Variants in CFAP46 observed in about 807,000 individuals in gnomAD.
The protein encoded by CFAP46 is cilia- and flagella-associated protein 46.
A neutral mutation model predicts 325.7 loss-of-function variants in CFAP46; 245 were observed. The observed-to-expected ratio is 0.75, with a 90% CI of 0.68 to 0.84. CFAP46 has a LOEUF of 0.84. Ranked by LOEUF, CFAP46 falls within the 40% of genes least tolerant of loss-of-function variation. The pLI, the probability that CFAP46 is intolerant of heterozygous loss-of-function variation, is 0.00. For synonymous variants in CFAP46, 1,523 were observed against 1,495.9 expected (o/e 1.02, Z -0.42); for missense variants, 3,346 against 3,543.0 (o/e 0.94, Z 1.41).
intron 24 of CFAP46, among the ~76,000 whole-genome samples, chr10:132,895,824 G>A (rs1321422390): frequency 5.9e-5 from 9 of 152,334 alleles, no homozygotes; most frequent in East Asian, 1.9e-4. Context: ...ATAAGGTCAC[G>A]AGAGTGGGGT....
intron 10 of CFAP46, among the ~76,000 whole-genome samples, chr10:132,925,447 T>C (rs1849795845): frequency 6.6e-6 from 1 of 152,234 alleles, no homozygotes; most frequent in Non-Finnish European, 1.5e-5. Context: ...TCCTGCCACT[T>C]GGCTGCTGGG....
chr10:132,898,773 G>C (rs1234035950), intron 24 of CFAP46, 186 bp downstream of exon 24: 1 of 770,838 alleles, frequency 1.3e-6, no homozygotes, highest in South Asian at 1.5e-5. Context: ...ACCGAGTCCA[G>C]CAGGGGCCCC....
chr10:132,897,005 A>G (rs1849329198), intron 24 of CFAP46, among the ~76,000 whole-genome samples: 2 of 152,258 alleles, frequency 1.3e-5, no homozygotes, highest in African/African-American at 4.8e-5. Context: ...AAGACCATTC[A>G]CTAGGGAAAG....
chr10:132,913,357 GCAAGAAGTGGGA>G, intron 17 of CFAP46, 99 bp from the exon 18 acceptor site: 3 of 413,616 alleles, frequency 7.3e-6, no homozygotes, highest in East Asian at 6.7e-5. Flanking sequence ...AGGCTGCAGG[GCAAGAAGTGGGA>G]GGGGCGGGTG....
Position 132,889,790 on chromosome 10 carries a change from G to A in CFAP46, c.3304+2543C>T, listed in dbSNP as rs74161924. 7.1e-3 allele frequency among the ~76,000 whole-genome samples: 1,074 copies of A among 152,314 alleles called. 15 individuals are homozygous for A. The highest frequency in any genetic ancestry group is 0.025 in the African/African-American group (1,028 of 41,556). ...GGTGAGGGCCGTGGACTGTGCATGA[G>A]GAGGAATGTGCCTGTGCTGAGCTCT... is the stretch of plus-strand genomic sequence containing the variant. On this transcript the variant is annotated intron_variant, in intron 25 of 57. Coordinates refer to ENST00000368586, the MANE Select transcript of CFAP46 (RefSeq NM_001200049.3). This position sits in a 1 kb window ranked among gnomAD's most constrained non-coding sequence, Gnocchi z 6.0.
In CFAP46 at chr10:132,916,622, C is replaced by T. The variant is rs1054303737; in HGVS notation, c.2047G>A (p.Glu683Lys). The T allele has an allele frequency of 6.0e-5, 93 of 1,539,816 alleles. No individual in the cohort carries two copies. Among genetic ancestry groups the T allele is most frequent in the South Asian group, 1.7e-4 (14 of 82,830 alleles). ...VELNDRAIPP[E>K]DLSQHPAGYV... is the part of the protein sequence containing the mutation. ...CCAGCTGGGTGCTGGCTCAGGTCTT[C>T]GGGGGGGATGGCCCGGTCATTCAGC... The change falls in exon 17 of 58, where the codon GAA becomes AAA. Residue 683 changes from glutamate (E) to lysine (K), a missense_variant. Transcript: ENST00000368586.
intron 50 of CFAP46, among the ~76,000 whole-genome samples, chr10:132,831,218 T>TTGTGTGTGTGTGTG (rs1318591175): frequency 9.1e-5 from 5 of 54,804 alleles, no homozygotes; most frequent in African/African-American, 6.7e-4. Flanking sequence ...TTGTCAAATG[T>TTGTGTGTGTGTGTG]TCTGTGTGTG....
intron 22 of CFAP46, among the ~76,000 whole-genome samples, chr10:132,904,518 G>T (rs1187032728): frequency 6.6e-6 from 1 of 152,210 alleles, no homozygotes; most frequent in Non-Finnish European, 1.5e-5. Flanking sequence ...CCTTTTCCCT[G>T]TCACCATATG....
intron 44 of CFAP46, among the ~76,000 whole-genome samples, chr10:132,837,519 GCA>G (rs1270524618): frequency 3.0e-5 from 4 of 132,206 alleles, no homozygotes; most frequent in African/African-American, 1.2e-4. Context: ...ACACAGACAT[GCA>G]CAGACACACG....
rs769781435 is a variant in CFAP46 at position 132,834,733 on chromosome 10, G to A, written c.6787C>T (p.Gln2263Ter). The A allele has an allele frequency of 6.2e-7, 1 of 1,613,058 alleles. No individual in the cohort carries two copies. The highest frequency in any genetic ancestry group is 1.7e-5 in the Admixed American group (1 of 59,966). The change falls in exon 48 of 58, where the codon CAG (glutamine) becomes TAG (stop). Residue 2263 changes from glutamine to a stop codon, truncating the protein, a stop_gained. Coordinates refer to ENST00000368586, the MANE Select transcript of CFAP46 (RefSeq NM_001200049.3). LOFTEE classifies it high-confidence loss of function. Reference sequence around the variant, plus strand: ...GGCCCCAGGACGCTACTGAGCCTCTGCACAGGGCGCTCCTTCTCTTCCACC... The same window carrying A: ...GGCCCCAGGACGCTACTGAGCCTCTACACAGGGCGCTCCTTCTCTTCCACC... ...LQVEEKERPV[Q>*]RLSSVLGPLE...
chr10:132,930,579 A>C (rs1256143586), intron 8 of CFAP46, among the ~76,000 whole-genome samples: 6 of 57,158 alleles, frequency 1.0e-4, no homozygotes, highest in South Asian at 7.3e-4. Flanking sequence ...CTCCTCCACA[A>C]ACAAAACCTG....
chr10:132,899,316 C>G (rs937723363), intron 23 of CFAP46, among the ~76,000 whole-genome samples, 195 bp from the exon 24 acceptor site: 1 of 152,188 alleles, frequency 6.6e-6, no homozygotes, highest in African/African-American at 2.4e-5. Flanking sequence ...CAGACCCCCA[C>G]CAAGGCCAGG....
chr10:132,899,151 C>T (rs1849359052), intron 23 of CFAP46, 30 bp from the exon 24 acceptor site: 1 of 1,534,632 alleles, frequency 6.5e-7, no homozygotes, highest in South Asian at 1.2e-5. Context: ...GACGCGGTGG[C>T]TCCACCTGGG....
chr10:132,893,449 T>C (rs896132562), intron 24 of CFAP46, among the ~76,000 whole-genome samples: 2 of 152,194 alleles, frequency 1.3e-5, no homozygotes, highest in Non-Finnish European at 2.9e-5. Flanking sequence ...CTCCTCCTCC[T>C]GGGTGAACCT....
chr10:132,876,880 C>A lies in CFAP46; in HGVS notation c.4294G>T (p.Glu1432Ter). Reference protein sequence around the residue: ...EEWASYSCPEEVLSVLKQDRS... With the variant: ...EEWASYSCPE ...TCCTGTTTCAGTACAGACAGCACTT[C>A]CTCGGGGCAGGAGTAGGAAGCCCAC... Residue 1432 changes from glutamate (E) to a stop codon, truncating the protein, a stop_gained, in exon 31 of 58, where the codon GAA becomes TAA. Transcript: ENST00000368586. LOFTEE classifies it high-confidence loss of function. This position sits in a 1 kb window ranked among gnomAD's most constrained non-coding sequence, Gnocchi z 4.1. The A allele has an allele frequency of 6.4e-7, 1 of 1,550,564 alleles. No individual in the cohort carries two copies. Among genetic ancestry groups the A allele is most frequent in the African/African-American group, 1.4e-5 (1 of 73,160 alleles).
intron 7 of CFAP46, 76 bp from the exon 8 acceptor site, chr10:132,934,938 G>C (rs374714433): frequency 1.0e-6 from 1 of 955,832 alleles, no homozygotes; most frequent in East Asian, 2.4e-5. Context: ...GAAACTCTGC[G>C]TGTATGAAAT....
At position 132,912,655 on chromosome 10, in the gene CFAP46, C is replaced by T. The variant is rs754024621; in HGVS notation, c.2499G>A (p.Glu833=). 3 of 1,547,206 alleles carry T rather than the reference C, an allele frequency of 1.9e-6. No individual in the cohort carries two copies. Among genetic ancestry groups the T allele is most frequent in the South Asian group, 1.2e-5 (1 of 83,994 alleles). Reference sequence around the variant, plus strand: ...TCTCTCGGCATCATGGAGGTGGTACCTCCACCGCTGTTTTGATCTCGGAAG... The same window carrying T: ...TCTCTCGGCATCATGGAGGTGGTACTTCCACCGCTGTTTTGATCTCGGAAG... ...GATSEIKTAV[E]VCEFALNLTN... The change falls in exon 19 of 58, where the codon GAG becomes GAA. Residue 833 remains glutamate, a splice_region_variant and synonymous_variant. Transcript: ENST00000368586.
chr10:132,937,471 T>C (rs776534531), intron 6 of CFAP46, 81 bp downstream of exon 6: 6 of 1,548,466 alleles, frequency 3.9e-6, no homozygotes, highest in South Asian at 1.1e-5. Flanking sequence ...AGCAAACTTA[T>C]GTAATTTCTA....
At chr10:132,863,646 C>A (rs987365241) in intron 35 of CFAP46, among the ~76,000 whole-genome samples, 6 of 151,410 alleles carry the variant, frequency 4.0e-5, no homozygotes, top group African/African-American at 1.5e-4. Flanking sequence ...TGTCCCTCTT[C>A]CTGAGACGTG....
Sources: allele counts gnomAD v4.1 joint callset (sites outside exome capture counted in the v4.1 genomes callset), GRCh38; gene constraint gnomAD v4.1.1; non-coding constraint Gnocchi (gnomAD v3.1); transcripts MANE v1.5; gene names NCBI Gene and HGNC (gene_info 2026-07-23, HGNC 2026-07-21).